NCALD: variants seen among roughly 807,000 people sequenced by gnomAD.
NCALD encodes the protein neurocalcin delta, also known as neurocalcin-delta.
Under a neutral mutation model 18.6 loss-of-function variants are expected in NCALD, and 10 were observed. The observed-to-expected ratio is 0.54, with a 90% CI of 0.33 to 0.91. The LOEUF (loss-of-function observed/expected upper bound fraction) is 0.91. Among genes scored for constraint, NCALD ranks in the 40% least tolerant of loss-of-function variants. The probability of loss-of-function intolerance (pLI) is 0.03; values close to 1 mark genes in which losing one functional copy is unlikely to be tolerated. For synonymous variants in NCALD, 88 were observed against 87.4 expected, an observed-to-expected ratio of 1.01 and a Z score of -0.04; for missense variants, 184 against 247.6, an observed-to-expected ratio of 0.74 and a Z score of 1.72.
At chr8:101,918,848 T>C (rs1465647683) in intron 2 of NCALD, among the ~76,000 whole-genome samples, 1 of 151,750 alleles carries the variant, frequency 6.6e-6, no homozygotes, top group Non-Finnish European at 1.5e-5. Flanking sequence ...TGCCAAAAGA[T>C]ATCAGAGGTG....
At chr8:101,793,658 C>T (rs1378899627), upstream of NCALD, among the ~76,000 whole-genome samples, 2 of 152,122 alleles carry the variant, frequency 1.3e-5, no homozygotes, top group Non-Finnish European at 2.9e-5. Flanking sequence ...GAGCTTTCTC[C>T]AATCACAGCC....
chr8:101,695,155 A>G (rs1027691654), intron 2 of NCALD, among the ~76,000 whole-genome samples: 3 of 152,226 alleles, frequency 2.0e-5, no homozygotes, highest in African/African-American at 7.2e-5. Context: ...ACATTTAGAA[A>G]TTGGCATCCC....
At chr8:101,820,204 T>G (rs1813664656) in intron 4 of NCALD, among the ~76,000 whole-genome samples, 1 of 152,232 alleles carries the variant, frequency 6.6e-6, no homozygotes, top group Non-Finnish European at 1.5e-5. Context: ...TATATAATCT[T>G]GCCTTTAATA....
At chr8:101,753,488 C>A (rs1261181230) in intron 1 of NCALD, among the ~76,000 whole-genome samples, 3 of 152,166 alleles carry the variant, frequency 2.0e-5, no homozygotes, top group South Asian at 4.1e-4. Flanking sequence ...ACACCCTCTA[C>A]AATGTCATGT....
intron 4 of NCALD, among the ~76,000 whole-genome samples, chr8:101,826,937 A>C (rs773298742): frequency 6.6e-6 from 1 of 152,224 alleles, no homozygotes; most frequent in African/African-American, 2.4e-5. Context: ...CAAGAAATAG[A>C]TTAAAGCTAC....
chr8:101,715,566 T>C (rs1293128679), intron 2 of NCALD, among the ~76,000 whole-genome samples: 1 of 151,974 alleles, frequency 6.6e-6, no homozygotes, highest in African/African-American at 2.4e-5. Context: ...TTGCAATCTA[T>C]CCATCTGACA....
Position 101,719,091 on chromosome 8 carries a change from A to G in NCALD, c.378+161T>C, listed in dbSNP as rs551228569. ...GGATTTTTATGTGCAGTCTCCCCAC[A>G]CTGTAATGCAGTTTAAACTGTTCAA... On this transcript the variant is annotated intron_variant, in intron 2 of 3. Coordinates refer to ENST00000220931, the MANE Select transcript of NCALD (RefSeq NM_032041.3). Among the ~76,000 whole-genome samples, 161 of 152,276 alleles carry G rather than the reference A, an allele frequency of 1.1e-3. 1 individual carries two copies. The highest frequency in any genetic ancestry group is 4.0e-3 in the Admixed American group (61 of 15,298).
At chr8:101,926,666 C>T (rs1414288047) in intron 2 of NCALD, among the ~76,000 whole-genome samples, 1 of 152,158 alleles carries the variant, frequency 6.6e-6, no homozygotes, top group East Asian at 1.9e-4. Context: ...ACAGTCTTAA[C>T]AATTTCCCCC....
chr8:102,092,832 G>A (rs780326845), intron 1 of NCALD, among the ~76,000 whole-genome samples: 46 of 152,000 alleles, frequency 3.0e-4, no homozygotes, highest in Non-Finnish European at 4.1e-4. Context: ...TCCATTTTTC[G>A]CACCTCTCAC....
chr8:101,889,952 A>G (rs1303523642), intron 3 of NCALD, among the ~76,000 whole-genome samples: 1 of 152,250 alleles, frequency 6.6e-6, no homozygotes, highest in Non-Finnish European at 1.5e-5. Context: ...TCTGATCTTT[A>G]AATGGGAGAG....
At chr8:101,699,764 G>T (rs1184061630) in intron 2 of NCALD, among the ~76,000 whole-genome samples, 1 of 152,158 alleles carries the variant, frequency 6.6e-6, no homozygotes, top group African/African-American at 2.4e-5. Context: ...CAGTTGTGGG[G>T]TGGGGGTCAA....
chr8:102,033,382 G>A (rs1822750478), intron 1 of NCALD, among the ~76,000 whole-genome samples: 1 of 151,998 alleles, frequency 6.6e-6, no homozygotes, highest in Non-Finnish European at 1.5e-5. Context: ...CCTAGAGAGT[G>A]GTATTCCTCC....
At chr8:101,848,911 G>A (rs773468654) in intron 4 of NCALD, among the ~76,000 whole-genome samples, 38 of 152,036 alleles carry the variant, frequency 2.5e-4, no homozygotes, top group Non-Finnish European at 4.4e-4. Context: ...ACATGCACAC[G>A]TATGTTCATT....
chr8:101,783,248 A>C (rs1171857612), intron 1 of NCALD, among the ~76,000 whole-genome samples: 2 of 152,170 alleles, frequency 1.3e-5, no homozygotes, highest in African/African-American at 4.8e-5. Context: ...GTGAAGTTTA[A>C]GTAAGTGAGA....
chr8:101,961,549 GA>G (rs1374595921), intron 2 of NCALD, among the ~76,000 whole-genome samples: 15 of 152,272 alleles, frequency 9.9e-5, no homozygotes, highest in African/African-American at 3.6e-4. Context: ...CTGAAAGGCT[GA>G]CTGTGGTACT....
At chr8:101,807,304 A>G (rs933554319) in intron 4 of NCALD, among the ~76,000 whole-genome samples, 1 of 152,188 alleles carries the variant, frequency 6.6e-6, no homozygotes, top group African/African-American at 2.4e-5. Context: ...ATAAAACTAT[A>G]TATATAATTG....
At chr8:102,099,781 T>C (rs1825215462) in intron 1 of NCALD, among the ~76,000 whole-genome samples, 1 of 151,820 alleles carries the variant, frequency 6.6e-6, no homozygotes, top group African/African-American at 2.4e-5. Context: ...CCATCTCTAC[T>C]AAAATTACCC....
At chr8:101,699,038 C>G (rs1456385172) in intron 2 of NCALD, among the ~76,000 whole-genome samples, 1 of 150,434 alleles carries the variant, frequency 6.6e-6, no homozygotes. Context: ...TGACAAAGGT[C>G]TAATATCCAG....
chr8:102,071,799 C>A (rs1208276567), intron 1 of NCALD, among the ~76,000 whole-genome samples: 1 of 152,120 alleles, frequency 6.6e-6, no homozygotes, highest in Non-Finnish European at 1.5e-5. Flanking sequence ...AGAAGATATG[C>A]AAGACCCCTA....
Sources: gnomAD v4.1 joint callset for allele counts (sites outside exome capture counted in the v4.1 genomes callset) on GRCh38, gnomAD v4.1.1 for gene constraint, MANE v1.5 for transcripts, NCBI Gene and HGNC (gene_info 2026-07-23, HGNC 2026-07-21) for gene names.